The following ARHGAP24 variants were observed in gnomAD, a reference collection of about 807,000 sequenced individuals.
ARHGAP24 encodes Rho GTPase activating protein 24.
ARHGAP24 carries 50 observed loss-of-function variants against 76.4 expected under a neutral mutation model. The ratio of observed to expected loss-of-function variants is 0.65; its 90% confidence interval spans 0.52 to 0.83. The LOEUF (loss-of-function observed/expected upper bound fraction) is 0.83, where lower values mean the gene tolerates loss of function less well. Ranked by LOEUF, ARHGAP24 falls within the 40% of genes least tolerant of loss-of-function variation. ARHGAP24 has a pLI of 0.00. For synonymous variants in ARHGAP24, 345 were observed against 323.3 expected (o/e 1.07, Z -0.72); for missense variants, 930 against 914.2 (o/e 1.02, Z -0.22).
At chr4:85,547,718 G>T (rs974236263) in intron 1 of ARHGAP24, among the ~76,000 whole-genome samples, 11 of 152,176 alleles carry the variant, frequency 7.2e-5, no homozygotes. Context: ...TTACAGGCTT[G>T]AGCCACTGTG....
chr4:85,692,654 T>G (rs1034680745), intron 2 of ARHGAP24, among the ~76,000 whole-genome samples: 1 of 152,236 alleles, frequency 6.6e-6, no homozygotes, highest in Non-Finnish European at 1.5e-5. Context: ...TGTGAATTTT[T>G]CAGCTCCAGA....
Position 85,587,299 on chromosome 4 carries a change from C to T in ARHGAP24, c.180+16578C>T, listed in dbSNP as rs536327125. 3.3e-5 allele frequency among the ~76,000 whole-genome samples: 5 copies of T among 152,232 alleles called. No homozygotes were observed. The South Asian group carries it at 6.2e-4, about 19-fold the overall frequency. On this transcript the variant is annotated intron_variant, in intron 2 of 9. Transcript: ENST00000395184. Reference sequence around the variant, plus strand: ...TCATAAAGAGAAGGCCGAATGATGTCGCCATTACAGTACTGTCTGAACAAA... The same window carrying T: ...TCATAAAGAGAAGGCCGAATGATGTTGCCATTACAGTACTGTCTGAACAAA...
intron 1 of ARHGAP24, among the ~76,000 whole-genome samples, chr4:85,517,745 A>G (rs1002771655): frequency 6.6e-6 from 1 of 152,106 alleles, no homozygotes; most frequent in Non-Finnish European, 1.5e-5. Context: ...TTTTTTTGAC[A>G]GGCTAATATT....
Position 85,995,621 on chromosome 4 carries a change from C to T in ARHGAP24, c.1967C>T (p.Thr656Ile). ...SLVSSLKQEM[T>I]KQKIEYESRI... ...GTTTCCAGCCTGAAACAGGAAATGA[C>T]CAAACAGAAGATAGAGTATGAGTCC... The change falls in exon 9 of 10, where the codon ACC becomes ATC. Residue 656 changes from threonine to isoleucine, a missense_variant. Coordinates refer to ENST00000395184, the MANE Select transcript of ARHGAP24 (RefSeq NM_001025616.3). The T allele has an allele frequency of 6.2e-7, 1 of 1,613,860 alleles. No homozygotes were observed. Among genetic ancestry groups the T allele is most frequent in the East Asian group, 2.2e-5 (1 of 44,842 alleles).
chr4:85,588,015 A>G lies in ARHGAP24; in HGVS notation c.180+17294A>G, dbSNP rs1727929510. Among the ~76,000 whole-genome samples, 5 of 152,324 alleles carry G rather than the reference A, an allele frequency of 3.3e-5. No individual in the cohort carries two copies. In the South Asian group the frequency reaches 1.0e-3, roughly 32 times the overall value. Reference sequence around the variant, plus strand: ...TCACATTTAAATTGAGATCTAAAGAAGAAAGAAGACTGTCATGCAAAGAGA... The same window carrying G: ...TCACATTTAAATTGAGATCTAAAGAGGAAAGAAGACTGTCATGCAAAGAGA... On this transcript the variant is annotated intron_variant, in intron 2 of 9. Transcript: ENST00000395184.
At chr4:85,529,903 TA>T (rs746260064) in intron 1 of ARHGAP24, among the ~76,000 whole-genome samples, 2 of 144,764 alleles carry the variant, frequency 1.4e-5, no homozygotes, top group Non-Finnish European at 3.0e-5. Flanking sequence ...TGTACTATTT[TA>T]AAAAAAACTC....
chr4:85,752,869 T>C lies in ARHGAP24; in HGVS notation c.268+30897T>C, dbSNP rs147008305. 3.3e-3 allele frequency among the ~76,000 whole-genome samples: 505 copies of C among 152,352 alleles called. 3 individuals carry two copies. The highest frequency in any genetic ancestry group is 0.011 in the African/African-American group (478 of 41,582). ...AAATGTTAACATTGATTTATGATTC[T>C]CTATATTAATCTGGCACTAGAGATA... On this transcript the variant is annotated intron_variant, in intron 3 of 9. Coordinates refer to ENST00000395184, the MANE Select transcript of ARHGAP24 (RefSeq NM_001025616.3).
chr4:85,569,914 G>C (rs1727012509), intron 1 of ARHGAP24, among the ~76,000 whole-genome samples: 2 of 152,294 alleles, frequency 1.3e-5, no homozygotes, highest in Admixed American at 6.5e-5. Context: ...GCAGGGGCCT[G>C]TCCTAGGCTG....
intron 2 of ARHGAP24, among the ~76,000 whole-genome samples, chr4:85,621,700 C>T (rs1720723843): frequency 6.6e-6 from 1 of 151,924 alleles, no homozygotes; most frequent in Non-Finnish European, 1.5e-5. Flanking sequence ...AATATTTTCT[C>T]CCATTCTGTA....
At chr4:85,544,884 C>T (rs991693033) in intron 1 of ARHGAP24, among the ~76,000 whole-genome samples, 3 of 151,434 alleles carry the variant, frequency 2.0e-5, no homozygotes, top group Non-Finnish European at 2.9e-5. Context: ...TTCTTTTTTT[C>T]GCCAGTCCAG....
chr4:85,942,427 T>C, intron 5 of ARHGAP24, 154 bp downstream of exon 5: 2 of 907,714 alleles, frequency 2.2e-6, no homozygotes, highest in Non-Finnish European at 3.4e-6. Context: ...TTCTATTAAG[T>C]TACAAAGTCA....
At chr4:85,524,973 G>T (rs1386418573) in intron 1 of ARHGAP24, among the ~76,000 whole-genome samples, 3 of 152,106 alleles carry the variant, frequency 2.0e-5, no homozygotes, top group Admixed American at 6.5e-5. Flanking sequence ...CAATACTATT[G>T]ATTTATTTTG....
chr4:85,504,918 GT>G (rs1723977182), intron 1 of ARHGAP24, among the ~76,000 whole-genome samples: 2 of 152,128 alleles, frequency 1.3e-5, no homozygotes. Flanking sequence ...AGGCCTGGTG[GT>G]GACAAAATCT....
chr4:85,972,099 A>G lies in ARHGAP24; in HGVS notation c.663A>G (p.Pro221=), dbSNP rs745404404. 17 of 1,614,074 alleles carry G rather than the reference A, an allele frequency of 1.1e-5. No homozygotes were observed. The South Asian group carries it at 1.5e-4, about 15-fold the overall frequency. The change falls in exon 6 of 10, where the codon CCA becomes CCG. Residue 221 remains proline (P), a synonymous_variant. Transcript: ENST00000395184. ...LKLYLRELPE[P]VIPYAKYEDF... ...TGTACCTCCGAGAACTTCCAGAACCAGTTATTCCTTATGCGAAGTATGAAG... is the reference window on the plus strand; with the variant it reads ...TGTACCTCCGAGAACTTCCAGAACCGGTTATTCCTTATGCGAAGTATGAAG...
intron 1 of ARHGAP24, among the ~76,000 whole-genome samples, chr4:85,503,749 C>T (rs762635438): frequency 2.0e-5 from 3 of 152,124 alleles, no homozygotes; most frequent in Non-Finnish European, 2.9e-5. Flanking sequence ...TATTTCTTAC[C>T]GTCTGCTAAC....
chr4:85,540,830 T>G (rs11942163), intron 1 of ARHGAP24, among the ~76,000 whole-genome samples: 18,603 of 152,014 alleles, frequency 0.12, 3,178 homozygotes, highest in African/African-American at 0.39. Context: ...CTTGTCTTGT[T>G]AGCAGAGGCA....
At chr4:85,922,208 T>C (rs1204376766) in intron 3 of ARHGAP24, among the ~76,000 whole-genome samples, 1 of 152,242 alleles carries the variant, frequency 6.6e-6, no homozygotes, top group East Asian at 1.9e-4. Context: ...GGTTGGCTTA[T>C]AGTTATTGCG....
chr4:85,914,240 G>A (rs180800558), intron 3 of ARHGAP24, among the ~76,000 whole-genome samples: 3 of 152,310 alleles, frequency 2.0e-5, no homozygotes, highest in African/African-American at 7.2e-5. Context: ...CAAGCTAATA[G>A]GATGAGTGTG....
At chr4:85,974,231 A>G (rs1430971963) in intron 6 of ARHGAP24, among the ~76,000 whole-genome samples, 1 of 152,080 alleles carries the variant, frequency 6.6e-6, no homozygotes, top group Admixed American at 6.5e-5. Flanking sequence ...CTTTTGCACT[A>G]CAACAGAAGA....
Sources: allele counts gnomAD v4.1 joint callset (sites outside exome capture counted in the v4.1 genomes callset), GRCh38; gene constraint gnomAD v4.1.1; transcripts MANE v1.5; gene names NCBI Gene and HGNC (gene_info 2026-07-23, HGNC 2026-07-21).